The following ABCA4 variants were observed in gnomAD, a reference collection of about 807,000 sequenced individuals.
The protein encoded by ABCA4 is retinal-specific phospholipid-transporting ATPase ABCA4.
ABCA4 carries 196 observed loss-of-function variants against 263.7 expected under a neutral mutation model. The observed-to-expected ratio is 0.74, with a 90% CI of 0.66 to 0.84. ABCA4 has a LOEUF of 0.84. Among genes scored for constraint, ABCA4 ranks in the 40% least tolerant of loss-of-function variants. ABCA4 has a pLI of 0.00. For missense variants in ABCA4, 2,792 were observed against 2,855.1 expected (o/e 0.98, Z 0.50); for synonymous variants, 1,133 against 1,094.2 (o/e 1.04, Z -0.70).
chr1:94,025,416 A>G (rs868767438), intron 30 of ABCA4: 3 of 385,742 alleles, frequency 7.8e-6, no homozygotes, highest in Admixed American at 7.7e-5. Flanking sequence ...TCCACCCAGC[A>G]GCCAGCTTGA....
At chr1:94,023,517 C>T (rs1268187549) in intron 31 of ABCA4, 99 bp from the exon 32 acceptor site, 4 of 1,083,210 alleles carry the variant, frequency 3.7e-6, no homozygotes, top group Non-Finnish European at 5.6e-6. Context: ...AAGTCTCAGT[C>T]TTCAGGGGCA....
At chr1:94,011,501 A>G in intron 38 of ABCA4, 116 bp from the exon 39 acceptor site, 1 of 1,534,636 alleles carries the variant, frequency 6.5e-7, no homozygotes, top group Non-Finnish European at 9.0e-7. Context: ...GCAGACAGAG[A>G]GTCCTTGCAG....
chr1:94,052,356 C>T (rs1161608877), intron 16 of ABCA4, among the ~76,000 whole-genome samples: 1 of 152,200 alleles, frequency 6.6e-6, no homozygotes, highest in Non-Finnish European at 1.5e-5. Context: ...CTGCTCCCTA[C>T]AAAATGTTGA....
intron 39 of ABCA4, 55 bp downstream of exon 39, chr1:94,011,207 C>A (rs548832198): frequency 2.0e-5 from 33 of 1,613,280 alleles, no homozygotes; most frequent in Admixed American, 1.8e-4. Context: ...CCCCCGGTAA[C>A]CCTCCCAGCT....
At chr1:94,019,782 G>C in intron 35 of ABCA4, 23 bp from the exon 36 acceptor site, 3 of 1,604,018 alleles carry the variant, frequency 1.9e-6, no homozygotes, top group Non-Finnish European at 2.6e-6. Context: ...CAGAGACACA[G>C]GGAGAGGGCG....
chr1:94,070,873 C>A (rs541537340), intron 11 of ABCA4, among the ~76,000 whole-genome samples: 169 of 152,272 alleles, frequency 1.1e-3, no homozygotes, highest in African/African-American at 3.9e-3. Flanking sequence ...AATGAGGAGT[C>A]ACTGTGGAGC....
chr1:94,109,407 A>G (rs957609013), intron 3 of ABCA4, among the ~76,000 whole-genome samples: 8 of 152,156 alleles, frequency 5.3e-5, no homozygotes, highest in Admixed American at 2.6e-4. Context: ...TGCTTCATCC[A>G]CAAGGACCTC....
chr1:94,028,930 A>AAAAAAAAAAAAAAAAAAAAC (rs35998587), intron 30 of ABCA4, among the ~76,000 whole-genome samples: 1 of 108,032 alleles, frequency 9.3e-6, no homozygotes, highest in African/African-American at 3.8e-5. Context: ...AAAAAAAAAA[A>AAAAAAAAAAAAAAAAAAAAC]GAAATTCAAA....
At chr1:93,999,201 A>C (rs1309474401) in intron 47 of ABCA4, among the ~76,000 whole-genome samples, 1 of 148,900 alleles carries the variant, frequency 6.7e-6, no homozygotes, top group Non-Finnish European at 1.5e-5. Context: ...GCATACCACC[A>C]TGCCCATCTA....
chr1:94,096,601 T>A (rs138821856), intron 6 of ABCA4, among the ~76,000 whole-genome samples: 1 of 152,116 alleles, frequency 6.6e-6, no homozygotes, highest in Non-Finnish European at 1.5e-5. Flanking sequence ...CAAGGCAGCA[T>A]GTGAAGACGT....
intron 47 of ABCA4, 113 bp downstream of exon 47, chr1:94,000,723 C>G: frequency 8.6e-7 from 1 of 1,158,376 alleles, no homozygotes; most frequent in Non-Finnish European, 1.3e-6. Flanking sequence ...CACCACCTGC[C>G]TCTGCCCCAG....
rs61750659 is a variant in ABCA4 at position 93,997,904 on chromosome 1, A to G, written c.6686T>C (p.Leu2229Pro). 1.3e-5 allele frequency: 21 copies of G among 1,613,986 alleles called. No individual in the cohort carries two copies. In the Admixed American group the frequency reaches 3.5e-4, roughly 27 times the overall value. Residue 2229 changes from leucine to proline, a missense_variant, in exon 48 of 50, where the codon CTG becomes CCG. Leu to Pro is a moderately conservative substitution (Grantham distance 98). Transcript: ENST00000370225. ...TGTGACTGAGTACTCCTCGATGAGC[A>G]GGCTGTCCTTGTGGGAGAGGAGGAG... ...FQLLLSHKDS[L>P]LIEEYSVTQT... is the part of the protein sequence containing the mutation.
At chr1:93,997,721 A>G (rs1405665418) in intron 48 of ABCA4, 140 bp downstream of exon 48, 7 of 1,083,718 alleles carry the variant, frequency 6.5e-6, no homozygotes, top group Non-Finnish European at 9.3e-6. Flanking sequence ...CTGATATATC[A>G]GCTTTTACCC....
At chr1:94,035,282 A>G (rs751164060) in intron 26 of ABCA4, among the ~76,000 whole-genome samples, 3 of 152,242 alleles carry the variant, frequency 2.0e-5, no homozygotes, top group Non-Finnish European at 4.4e-5. Context: ...GGTTAATATG[A>G]GTCTTTGACA....
At chr1:94,091,486 A>G (rs1223209683) in intron 6 of ABCA4, among the ~76,000 whole-genome samples, 1 of 152,004 alleles carries the variant, frequency 6.6e-6, no homozygotes, top group Non-Finnish European at 1.5e-5. Flanking sequence ...TGTTTCTGTC[A>G]AAGAACCGGA....
intron 4 of ABCA4, among the ~76,000 whole-genome samples, chr1:94,105,126 A>G (rs1662397350): frequency 6.6e-6 from 1 of 152,182 alleles, no homozygotes. Flanking sequence ...GCACAGATGC[A>G]AGCCCTTGAA....
chr1:94,047,181 T>G, intron 18 of ABCA4, 88 bp from the exon 19 acceptor site: 1 of 1,462,312 alleles, frequency 6.8e-7, no homozygotes, highest in South Asian at 1.1e-5. Flanking sequence ...GTATTCTGCC[T>G]ATAACGTCAC....
intron 5 of ABCA4, among the ~76,000 whole-genome samples, chr1:94,100,006 C>T (rs1662247048): frequency 6.6e-6 from 1 of 152,200 alleles, no homozygotes; most frequent in African/African-American, 2.4e-5. Flanking sequence ...TAGCATTGGA[C>T]AGACACTGAG....
At chr1:94,049,233 C>T (rs1660770824) in intron 17 of ABCA4, among the ~76,000 whole-genome samples, 1 of 152,128 alleles carries the variant, frequency 6.6e-6, no homozygotes, top group Admixed American at 6.5e-5. Context: ...TTAAGAAAAC[C>T]AGGTTTGAAT....
Sources: gnomAD v4.1 joint callset for allele counts (sites outside exome capture counted in the v4.1 genomes callset) on GRCh38, gnomAD v4.1.1 for gene constraint, MANE v1.5 for transcripts, NCBI Gene and HGNC (gene_info 2026-07-23, HGNC 2026-07-21) for gene names.